The following UBAP2 variants were observed in gnomAD, a reference collection of about 807,000 sequenced individuals.
The protein encoded by UBAP2 is ubiquitin associated protein 2.
A neutral mutation model predicts 139.6 loss-of-function variants in UBAP2; 75 were observed. That is an observed-to-expected ratio of 0.54 (90% CI 0.45 to 0.65). The LOEUF (loss-of-function observed/expected upper bound fraction) is 0.65. Ranked by LOEUF, UBAP2 falls within the 30% of genes least tolerant of loss-of-function variation. The pLI, the probability that UBAP2 is intolerant of heterozygous loss-of-function variation, is 0.00. For missense variants in UBAP2, 1,368 were observed against 1,369.6 expected (o/e 1.00, Z 0.02); for synonymous variants, 526 against 526.2 (o/e 1.00, Z 0.01).
At chr9:34,033,736 ATTCTT>A (rs1257314065) in intron 1 of UBAP2, among the ~76,000 whole-genome samples, 1 of 150,488 alleles carries the variant, frequency 6.6e-6, no homozygotes, top group Non-Finnish European at 1.5e-5. Context: ...CATCAAATCA[ATTCTT>A]TTTTTTTTTT....
At chr9:33,924,111 A>G in intron 23 of UBAP2, 95 bp downstream of exon 23, 1 of 1,581,108 alleles carries the variant, frequency 6.3e-7, no homozygotes, top group Non-Finnish European at 8.7e-7. Flanking sequence ...CAGGCTACTA[A>G]GAGGCCTCTC....
Position 34,026,232 on chromosome 9 carries a change from C to A in UBAP2, c.-41-9043G>T, listed in dbSNP as rs1420499003. ...AGTTAATTAAATCCCAAACTACATACTTACACTGCATGTATTTAAGACAGC... is the reference window on the plus strand; with the variant it reads ...AGTTAATTAAATCCCAAACTACATAATTACACTGCATGTATTTAAGACAGC... On this transcript the variant is annotated intron_variant, in intron 1 of 28. Transcript: ENST00000379238. 4.6e-5 allele frequency among the ~76,000 whole-genome samples: 7 copies of A among 152,152 alleles called. 1 individual carries two copies. Among genetic ancestry groups the A allele is most frequent in the Admixed American group, 4.6e-4 (7 of 15,266 alleles).
At chr9:33,977,080 C>T (rs1381448812) in intron 6 of UBAP2, among the ~76,000 whole-genome samples, 54 of 147,832 alleles carry the variant, frequency 3.7e-4, no homozygotes, top group Non-Finnish European at 7.1e-4. Context: ...ACCCTGTAGC[C>T]CAGGCTGGAG....
intron 1 of UBAP2, among the ~76,000 whole-genome samples, chr9:34,033,261 AAC>A (rs1231501208): frequency 6.6e-6 from 1 of 152,196 alleles, no homozygotes; most frequent in Non-Finnish European, 1.5e-5. Flanking sequence ...ACTTATACAC[AAC>A]AGAGTACTAC....
At chr9:33,968,203 T>C (rs545511060) in intron 8 of UBAP2, 4 of 616,528 alleles carry the variant, frequency 6.5e-6, no homozygotes, top group East Asian at 3.9e-5. Context: ...GTGCATTCGA[T>C]TGGTACAGGA....
chr9:33,965,851 A>G (rs967058398), intron 8 of UBAP2, among the ~76,000 whole-genome samples: 55 of 151,644 alleles, frequency 3.6e-4, no homozygotes, highest in Non-Finnish European at 7.2e-4. Context: ...GATGGAGACC[A>G]TCCTGGCTAA....
Position 33,944,538 on chromosome 9 carries a change from A to G in UBAP2, c.1372T>C (p.Ser458Pro). The change falls in exon 14 of 29, where the codon TCC becomes CCC. Residue 458 changes from serine to proline, a missense_variant. Physicochemically the swap from Ser to Pro is moderately conservative, Grantham distance 74 (BLOSUM62 -1). Coordinates refer to ENST00000379238, the MANE Select transcript of UBAP2 (RefSeq NM_001370062.2). The part of the protein sequence containing the change: ...AVTVPPPGLE[S>P]FPSQAKLRES... Reference sequence around the variant, plus strand: ...CGAAGTTTTGCCTGGGAAGGAAAGGACTCCAAACCAGGAGGAGGAACAGTG... The same window carrying G: ...CGAAGTTTTGCCTGGGAAGGAAAGGGCTCCAAACCAGGAGGAGGAACAGTG... 1.9e-6 allele frequency: 3 copies of G among 1,613,918 alleles called. No homozygotes were observed. The highest frequency in any genetic ancestry group is 1.7e-6 in the Non-Finnish European group (2 of 1,179,986).
chr9:33,945,429 G>A (rs892896533), intron 13 of UBAP2, among the ~76,000 whole-genome samples: 8 of 152,194 alleles, frequency 5.3e-5, no homozygotes, highest in African/African-American at 1.7e-4. Context: ...GAACCCGGGA[G>A]GCGGAGCTTG....
intron 1 of UBAP2, among the ~76,000 whole-genome samples, chr9:34,025,878 T>C (rs1628620): frequency 0.96 from 146,115 of 152,250 alleles, 70,257 homozygotes; most frequent in Non-Finnish European, 1. Flanking sequence ...CCATGCCCGG[T>C]TTAACTGCTG....
intron 6 of UBAP2, among the ~76,000 whole-genome samples, chr9:33,982,513 T>A (rs191335934): frequency 6.6e-6 from 1 of 152,216 alleles, no homozygotes; most frequent in East Asian, 1.9e-4. Flanking sequence ...TAAGTGCCCA[T>A]TTTGTCGCCC....
intron 12 of UBAP2, among the ~76,000 whole-genome samples, chr9:33,950,190 C>T (rs1290680294): frequency 3.9e-5 from 6 of 152,104 alleles, no homozygotes; most frequent in African/African-American, 1.4e-4. Context: ...CTCAGCCTCC[C>T]GAGTAGCTGG....
At position 33,981,898 on chromosome 9, in the gene UBAP2, C is replaced by G. The variant is rs145681842; in HGVS notation, c.520+4862G>C. ...GAAGGAAGGGGAGAGAAGAGGTACACTACAAAAAATAATGTCAGAATCATA... is the reference window on the plus strand; with the variant it reads ...GAAGGAAGGGGAGAGAAGAGGTACAGTACAAAAAATAATGTCAGAATCATA... On this transcript the variant is annotated intron_variant, in intron 6 of 28. Coordinates refer to ENST00000379238, the MANE Select transcript of UBAP2 (RefSeq NM_001370062.2). 5.8e-3 allele frequency among the ~76,000 whole-genome samples: 880 copies of G among 151,836 alleles called. 6 individuals are homozygous for G. The highest frequency in any genetic ancestry group is 0.02 in the African/African-American group (833 of 41,356).
chr9:33,951,111 A>G (rs1289765581), intron 12 of UBAP2, among the ~76,000 whole-genome samples: 3 of 152,026 alleles, frequency 2.0e-5, no homozygotes, highest in Admixed American at 2.0e-4. Context: ...GGCTCAAGTG[A>G]TCCTCCCATG....
chr9:33,978,789 A>G (rs1820386008), intron 6 of UBAP2, among the ~76,000 whole-genome samples: 2 of 152,162 alleles, frequency 1.3e-5, no homozygotes, highest in Non-Finnish European at 2.9e-5. Context: ...CAAAAAAAAG[A>G]AAGAAAGAAA....
intron 6 of UBAP2, among the ~76,000 whole-genome samples, chr9:33,978,576 CA>C (rs1820362360): frequency 6.6e-6 from 1 of 151,926 alleles, no homozygotes; most frequent in African/African-American, 2.4e-5. Flanking sequence ...ATCAGGAGAT[CA>C]AGACCATCCT....
chr9:34,011,081 C>T (rs183485408), intron 2 of UBAP2, among the ~76,000 whole-genome samples: 96 of 152,038 alleles, frequency 6.3e-4, no homozygotes, highest in Non-Finnish European at 5.9e-5. Flanking sequence ...AAAGAAACAC[C>T]GACCCGATTA....
intron 2 of UBAP2, among the ~76,000 whole-genome samples, chr9:34,011,086 C>T (rs993054076): frequency 5.9e-5 from 9 of 151,998 alleles, no homozygotes; most frequent in Admixed American, 2.0e-4. Context: ...AACACCGACC[C>T]GATTAAAATA....
At chr9:34,021,999 C>T (rs1223578385) in intron 1 of UBAP2, among the ~76,000 whole-genome samples, 2 of 152,140 alleles carry the variant, frequency 1.3e-5, no homozygotes, top group African/African-American at 2.4e-5. Context: ...AATCCCAACA[C>T]TTTGGGAAGC....
chr9:33,988,337 T>C lies in UBAP2; in HGVS notation c.442+636A>G, dbSNP rs562400821. Among the ~76,000 whole-genome samples the C allele has an allele frequency of 3.9e-5, 6 of 152,276 alleles. No homozygotes were observed. In the East Asian group the frequency reaches 1.2e-3, roughly 29 times the overall value. On this transcript the variant is annotated intron_variant, in intron 5 of 28. Transcript: ENST00000379238. ...AGACAGCAAGAGTCTCAGGGTGATATGTTAAATATTTACATTTTATTCTTT... is the reference window on the plus strand; with the variant it reads ...AGACAGCAAGAGTCTCAGGGTGATACGTTAAATATTTACATTTTATTCTTT...
Sources: allele counts gnomAD v4.1 joint callset (sites outside exome capture counted in the v4.1 genomes callset), GRCh38; gene constraint gnomAD v4.1.1; transcripts MANE v1.5; gene names NCBI Gene and HGNC (gene_info 2026-07-23, HGNC 2026-07-21).